The following DLG2 variants were observed in gnomAD, a reference collection of about 807,000 sequenced individuals.
The protein encoded by DLG2 is discs large MAGUK scaffold protein 2.
In DLG2, 45 loss-of-function variants were observed where a neutral mutation model predicts 132.5. The observed-to-expected ratio is 0.34, with a 90% CI of 0.27 to 0.44. The LOEUF (loss-of-function observed/expected upper bound fraction) is 0.44, where lower values mean the gene tolerates loss of function less well. Ranked by LOEUF, DLG2 falls within the 20% of genes least tolerant of loss-of-function variation. The pLI is 1.00. For synonymous variants in DLG2, 424 were observed against 419.6 expected (o/e 1.01, Z -0.13); for missense variants, 1,045 against 1,196.9 (o/e 0.87, Z 1.87).
intron 18 of DLG2, among the ~76,000 whole-genome samples, chr11:83,732,171 G>C (rs565553321): frequency 6.6e-5 from 10 of 152,164 alleles, no homozygotes; most frequent in African/African-American, 2.2e-4. Context: ...TTGTGTTTTT[G>C]GATGTGATTC....
At chr11:85,603,420 G>A (rs544137717) in intron 2 of DLG2, among the ~76,000 whole-genome samples, 5 of 152,090 alleles carry the variant, frequency 3.3e-5, no homozygotes, top group East Asian at 1.9e-4. Context: ...CTCTAATCAC[G>A]TGATTACCTC....
chr11:84,089,870 C>T (rs748894070), intron 10 of DLG2, among the ~76,000 whole-genome samples: 1 of 152,128 alleles, frequency 6.6e-6, no homozygotes, highest in Non-Finnish European at 1.5e-5. Context: ...GCTGTGGATG[C>T]CTTTAATAAA....
rs949906608 is a variant in DLG2, at chr11:85,014,043, C to T, written c.357+97618G>A. ...TCTGGATTCTCCTCAAAAGAGAGGA[C>T]TCCAATATCAAGAAATCTAGATTCT... is the stretch of plus-strand genomic sequence containing the variant. On this transcript the variant is annotated intron_variant, in intron 6 of 27. Coordinates refer to ENST00000376104, the MANE Select transcript of DLG2 (RefSeq NM_001142699.3). Among the ~76,000 whole-genome samples, 7 of 152,206 alleles carry T rather than the reference C, an allele frequency of 4.6e-5. No individual in the cohort carries two copies. In the East Asian group the frequency reaches 5.8e-4, roughly 13 times the overall value.
At chr11:84,035,391 G>C (rs539406463) in intron 11 of DLG2, among the ~76,000 whole-genome samples, 1 of 152,218 alleles carries the variant, frequency 6.6e-6, no homozygotes, top group Admixed American at 6.6e-5. Flanking sequence ...TACAATGTTT[G>C]GTTGTGATAC....
intron 8 of DLG2, among the ~76,000 whole-genome samples, chr11:84,218,895 A>G (rs902485033): frequency 2.0e-5 from 3 of 152,232 alleles, no homozygotes; most frequent in Non-Finnish European, 4.4e-5. Context: ...CAATAGGGCC[A>G]AAGCTGATAA....
chr11:84,662,182 T>C (rs1044972175), intron 6 of DLG2, among the ~76,000 whole-genome samples: 1 of 150,628 alleles, frequency 6.6e-6, no homozygotes, highest in Non-Finnish European at 1.5e-5. Flanking sequence ...TCAGTTTCTT[T>C]GTAAATCTTT....
At chr11:84,011,247 G>A (rs2154064644) in intron 11 of DLG2, among the ~76,000 whole-genome samples, 1 of 151,946 alleles carries the variant, frequency 6.6e-6, no homozygotes, top group East Asian at 1.9e-4. Flanking sequence ...GAAGTAGGAG[G>A]ATTACTTGAG....
chr11:83,734,763 T>TA (rs1310007666), intron 18 of DLG2, among the ~76,000 whole-genome samples: 1 of 152,110 alleles, frequency 6.6e-6, no homozygotes, highest in East Asian at 1.9e-4. Flanking sequence ...TAGTTTTCTT[T>TA]AAAAAATAAA....
intron 7 of DLG2, among the ~76,000 whole-genome samples, chr11:84,328,241 G>C (rs1015789463): frequency 1.3e-5 from 2 of 151,742 alleles, no homozygotes; most frequent in African/African-American, 4.8e-5. Flanking sequence ...AAAGCAAGGG[G>C]GGAAGTGAAG....
chr11:83,649,127 G>A (rs961070565), intron 18 of DLG2, among the ~76,000 whole-genome samples: 5 of 152,150 alleles, frequency 3.3e-5, no homozygotes, highest in African/African-American at 1.2e-4. Context: ...GTAGGGCTGA[G>A]TGGGGAGTTT....
At chr11:83,669,937 C>A (rs1014445497) in intron 18 of DLG2, among the ~76,000 whole-genome samples, 3 of 152,108 alleles carry the variant, frequency 2.0e-5, no homozygotes, top group African/African-American at 7.2e-5. Flanking sequence ...AGTTTAAAAC[C>A]AAATCTTGAC....
chr11:85,509,192 TC>T (rs2094001980), intron 3 of DLG2, among the ~76,000 whole-genome samples: 1 of 152,080 alleles, frequency 6.6e-6, no homozygotes, highest in Non-Finnish European at 1.5e-5. Flanking sequence ...CCCATGCCTA[TC>T]TACACCTGAG....
At chr11:83,862,075 C>T (rs915803411) in intron 16 of DLG2, among the ~76,000 whole-genome samples, 1 of 152,152 alleles carries the variant, frequency 6.6e-6, no homozygotes, top group African/African-American at 2.4e-5. Context: ...CATGATTCAG[C>T]AATCCCACTA....
At chr11:83,585,047 C>T (rs188413617) in intron 19 of DLG2, among the ~76,000 whole-genome samples, 20 of 152,206 alleles carry the variant, frequency 1.3e-4, no homozygotes, top group Non-Finnish European at 2.8e-4. Context: ...GACCTCCCTA[C>T]CTCAGTAGAG....
In DLG2 at chr11:85,393,333, GC is replaced by G. The variant is rs533134229; in HGVS notation, c.41-107969del. Among the ~76,000 whole-genome samples the G allele has an allele frequency of 8.0e-4, 122 of 152,258 alleles. 1 individual carries two copies. Among genetic ancestry groups the G allele is most frequent in the South Asian group, 1.7e-3 (8 of 4,822 alleles). Reference sequence around the variant, plus strand: ...AAACACCAAAAAATAATAGTTGTTAGCATGGATGTGGTGAAAAGGAACACTT... The same window carrying G: ...AAACACCAAAAAATAATAGTTGTTAGATGGATGTGGTGAAAAGGAACACTT... On this transcript the variant is annotated intron_variant, in intron 3 of 27. Transcript: ENST00000376104.
At chr11:84,153,531 G>T (rs781497232) in intron 9 of DLG2, among the ~76,000 whole-genome samples, 6 of 151,780 alleles carry the variant, frequency 4.0e-5, no homozygotes, top group African/African-American at 7.3e-5. Flanking sequence ...TGGAGGTTTT[G>T]CTCATTAAAA....
chr11:83,513,665 T>TAACA (rs1008542411), intron 21 of DLG2, among the ~76,000 whole-genome samples: 35 of 152,344 alleles, frequency 2.3e-4, no homozygotes, highest in African/African-American at 8.2e-4. Context: ...GTTTTAGATC[T>TAACA]AACATTTAAG....
At chr11:85,390,516 T>C (rs1002438482) in intron 3 of DLG2, among the ~76,000 whole-genome samples, 1 of 151,774 alleles carries the variant, frequency 6.6e-6, no homozygotes, top group South Asian at 2.1e-4. Context: ...AACAGATATT[T>C]ACAGAACTTT....
At chr11:85,173,641 A>C (rs1434706150) in intron 4 of DLG2, among the ~76,000 whole-genome samples, 1 of 152,136 alleles carries the variant, frequency 6.6e-6, no homozygotes, top group Non-Finnish European at 1.5e-5. Flanking sequence ...TAACCTTAAA[A>C]ATAAATGGGC....
Sources: allele counts gnomAD v4.1 joint callset (sites outside exome capture counted in the v4.1 genomes callset), GRCh38; gene constraint gnomAD v4.1.1; transcripts MANE v1.5; gene names NCBI Gene and HGNC (gene_info 2026-07-23, HGNC 2026-07-21).